EEFSEC: variants seen among roughly 807,000 people sequenced by gnomAD.
EEFSEC encodes eukaryotic elongation factor, selenocysteine-tRNA specific.
Under a neutral mutation model 42.1 loss-of-function variants are expected in EEFSEC, and 43 were observed. The ratio of observed to expected loss-of-function variants is 1.02; its 90% CI spans 0.80 to 1.32. The LOEUF (loss-of-function observed/expected upper bound fraction) is 1.32. Among genes scored for constraint, EEFSEC ranks in the 40% most tolerant of loss-of-function variants. EEFSEC has a pLI of 0.00. For missense variants in EEFSEC, 745 were observed against 803.6 expected, an observed-to-expected ratio of 0.93 and a Z score of 0.88; for synonymous variants, 354 against 339.1, an observed-to-expected ratio of 1.04 and a Z score of -0.48.
At chr3:128,349,208 C>A (rs958928412) in intron 5 of EEFSEC, among the ~76,000 whole-genome samples, 1 of 152,036 alleles carries the variant, frequency 6.6e-6, no homozygotes, top group South Asian at 2.1e-4. Context: ...GGCCAGCCAT[C>A]GAAGCTAGGC....
intron 6 of EEFSEC, chr3:128,367,679 G>A (rs944754872): frequency 1.0e-6 from 1 of 985,288 alleles, no homozygotes; most frequent in African/African-American, 1.7e-5. Flanking sequence ...ACCTTACAGG[G>A]AGAGAGACAG....
At chr3:128,244,317 G>C (rs2066103678) in intron 1 of EEFSEC, among the ~76,000 whole-genome samples, 1 of 152,190 alleles carries the variant, frequency 6.6e-6, no homozygotes, top group Admixed American at 6.5e-5. Context: ...CTCAGCTTGT[G>C]TGAGGGAGGC....
intron 6 of EEFSEC, among the ~76,000 whole-genome samples, chr3:128,384,674 G>A (rs1336229631): frequency 2.6e-5 from 4 of 152,190 alleles, no homozygotes; most frequent in Admixed American, 1.3e-4. Flanking sequence ...GCTGGAGAGG[G>A]AACACGTCCA....
chr3:128,303,843 TTTA>T (rs2066796800), intron 4 of EEFSEC, among the ~76,000 whole-genome samples: 1 of 152,204 alleles, frequency 6.6e-6, no homozygotes, highest in Non-Finnish European at 1.5e-5. Flanking sequence ...GTAGCCTACC[TTTA>T]TTTTGACACA....
In EEFSEC at chr3:128,408,293, C is replaced by A. The variant is rs555371273; in HGVS notation, c.*34C>A. ...TGACCTCCCCCAGGGCCTCCTTGCC[C>A]AGCCCAGTCCAGGCTGCTGTGCCAA... On this transcript the variant is annotated 3_prime_UTR_variant, in exon 7 of 7. Coordinates refer to ENST00000254730, the MANE Select transcript of EEFSEC (RefSeq NM_021937.5). 6.6e-7 allele frequency: 1 copy of A among 1,513,950 alleles called. No individual in the cohort carries two copies. Among genetic ancestry groups the A allele is most frequent in the African/African-American group, 1.4e-5 (1 of 71,298 alleles). 93.8% of individuals were successfully genotyped at this position (1,513,950 alleles called of 1,614,324 possible). A position where few individuals can be genotyped will look rare whatever the true frequency, so the allele number is the denominator to read the frequency against.
chr3:128,221,651 AAAC>A (rs1261475721), intron 1 of EEFSEC, among the ~76,000 whole-genome samples: 4 of 152,204 alleles, frequency 2.6e-5, no homozygotes, highest in Non-Finnish European at 5.9e-5. Context: ...CCCCCACAGA[AAAC>A]AACGTTTGCT....
the EEFSEC span, among the ~76,000 whole-genome samples, chr3:128,421,036 C>T: frequency 6.6e-6 from 1 of 152,180 alleles, no homozygotes; most frequent in Admixed American, 6.5e-5. Context: ...CCAGGAGGGA[C>T]CATGAGCCCA....
intron 4 of EEFSEC, among the ~76,000 whole-genome samples, chr3:128,275,481 C>T (rs1050522680): frequency 1.3e-5 from 2 of 152,228 alleles, no homozygotes; most frequent in Admixed American, 6.5e-5. Context: ...CGTGTCATGT[C>T]GGGGACTGGA....
chr3:128,293,683 A>AACAAAG (rs1559906679), intron 4 of EEFSEC, among the ~76,000 whole-genome samples: 2 of 150,452 alleles, frequency 1.3e-5, no homozygotes, highest in African/African-American at 2.5e-5. Flanking sequence ...AAAAAAAAAA[A>AACAAAG]AAAACTTCCC....
chr3:128,401,084 C>T (rs1040989227), intron 6 of EEFSEC, among the ~76,000 whole-genome samples: 3 of 152,124 alleles, frequency 2.0e-5, no homozygotes, highest in African/African-American at 7.2e-5. Context: ...GAATGACAGA[C>T]GTACATGTAG....
At chr3:128,225,526 T>G (rs1253818643) in intron 1 of EEFSEC, among the ~76,000 whole-genome samples, 2 of 152,194 alleles carry the variant, frequency 1.3e-5, no homozygotes, top group Admixed American at 1.3e-4. Context: ...GGAATTAGAG[T>G]GCTTACTTTG....
At chr3:128,327,171 T>C (rs1029599092) in intron 4 of EEFSEC, among the ~76,000 whole-genome samples, 1 of 152,108 alleles carries the variant, frequency 6.6e-6, no homozygotes, top group Non-Finnish European at 1.5e-5. Context: ...TGCCCTGTCT[T>C]TGTGATTATT....
intron 6 of EEFSEC, among the ~76,000 whole-genome samples, chr3:128,399,797 G>A (rs1199843742): frequency 6.6e-6 from 1 of 151,608 alleles, no homozygotes; most frequent in Non-Finnish European, 1.5e-5. Flanking sequence ...CTGTCCTCCT[G>A]GGCCTCTCTG....
At chr3:128,334,531 T>C (rs962086722) in intron 4 of EEFSEC, among the ~76,000 whole-genome samples, 7 of 152,266 alleles carry the variant, frequency 4.6e-5, no homozygotes, top group Admixed American at 2.6e-4. Context: ...ATTTGTTTTG[T>C]GACCTTGGAG....
intron 1 of EEFSEC, among the ~76,000 whole-genome samples, chr3:128,227,015 C>T (rs967831518): frequency 8.5e-5 from 13 of 152,304 alleles, no homozygotes; most frequent in African/African-American, 2.9e-4. Context: ...CGGCCCCTCT[C>T]GGGCCATTGC....
chr3:128,257,760 G>A (rs1038025893), intron 2 of EEFSEC, among the ~76,000 whole-genome samples: 1 of 152,120 alleles, frequency 6.6e-6, no homozygotes, highest in Admixed American at 6.5e-5. Flanking sequence ...GCATAACCAG[G>A]TTCAGCATAA....
intron 1 of EEFSEC, among the ~76,000 whole-genome samples, chr3:128,211,842 TC>T (rs2065759362): frequency 3.7e-5 from 5 of 133,396 alleles, no homozygotes; most frequent in African/African-American, 1.5e-4. Flanking sequence ...CTTTTCTTTT[TC>T]TTTTCTTTTT....
intron 4 of EEFSEC, among the ~76,000 whole-genome samples, chr3:128,290,247 A>G (rs1447239321): frequency 6.6e-6 from 1 of 151,840 alleles, no homozygotes; most frequent in Non-Finnish European, 1.5e-5. Flanking sequence ...TCAATTCCAA[A>G]TTAATTTTTT....
intron 6 of EEFSEC, among the ~76,000 whole-genome samples, chr3:128,358,670 G>C (rs1393768148): frequency 6.6e-6 from 1 of 152,230 alleles, no homozygotes. Context: ...TGGTTTCTCT[G>C]TGGAGGCGGG....
Sources: gnomAD v4.1 joint callset for allele counts (sites outside exome capture counted in the v4.1 genomes callset) on GRCh38, gnomAD v4.1.1 for gene constraint, MANE v1.5 for transcripts, NCBI Gene and HGNC (gene_info 2026-07-23, HGNC 2026-07-21) for gene names.